The following FAM83A variants were observed in gnomAD, a reference collection of about 807,000 sequenced individuals.
The protein encoded by FAM83A is scaffolding CK1 anchoring protein A, also known as protein FAM83A.
Under a neutral mutation model 24.4 loss-of-function variants are expected in FAM83A, and 21 were observed. The ratio of observed to expected loss-of-function variants is 0.86; its 90% CI spans 0.61 to 1.24. The LOEUF (loss-of-function observed/expected upper bound fraction) is 1.24. Among genes scored for constraint, FAM83A ranks in the 50% most tolerant of loss-of-function variants. The pLI is 0.00. For missense variants in FAM83A, 617 were observed against 579.8 expected, an observed-to-expected ratio of 1.06 and a Z score of -0.66; for synonymous variants, 270 against 252.4, an observed-to-expected ratio of 1.07 and a Z score of -0.66.
chr8:123,204,488 C>T (rs184512796), intron 3 of FAM83A, among the ~76,000 whole-genome samples: 20 of 152,150 alleles, frequency 1.3e-4, no homozygotes, highest in South Asian at 4.1e-4. Context: ...ATTGGCCGGG[C>T]GCAGTGGCTC....
intron 2 of FAM83A, among the ~76,000 whole-genome samples, chr8:123,192,328 C>A (rs184353279): frequency 1.0e-3 from 157 of 152,278 alleles, no homozygotes; most frequent in African/African-American, 3.5e-3. Context: ...ATCTGGTGAG[C>A]AGCATCTCTG....
At chr8:123,190,369 C>T (rs1195339971) in intron 1 of FAM83A, among the ~76,000 whole-genome samples, 1 of 151,932 alleles carries the variant, frequency 6.6e-6, no homozygotes, top group African/African-American at 2.4e-5. Context: ...TCAAGCGATT[C>T]TCTTGCCTCA....
intron 3 of FAM83A, among the ~76,000 whole-genome samples, chr8:123,197,984 G>T (rs1185059573): frequency 6.6e-6 from 1 of 152,130 alleles, no homozygotes; most frequent in Non-Finnish European, 1.5e-5. Flanking sequence ...ACAAAAATTA[G>T]CTGGGCATGG....
chr8:123,198,131 AAAATAAAT>A (rs893727326), intron 3 of FAM83A, among the ~76,000 whole-genome samples: 15 of 152,216 alleles, frequency 9.9e-5, no homozygotes, highest in Middle Eastern at 3.4e-3. Context: ...ACTCTCCCTT[AAAATAAAT>A]AAATAAATAA....
chr8:123,187,643 T>C (rs938093161), intron 1 of FAM83A, among the ~76,000 whole-genome samples: 1 of 152,206 alleles, frequency 6.6e-6, no homozygotes, highest in Non-Finnish European at 1.5e-5. Flanking sequence ...GTTTCTAATA[T>C]GGCAAACACC....
chr8:123,207,307 C>T (rs771416766), exon 4 of FAM83A: 2 of 1,611,800 alleles, frequency 1.2e-6, no homozygotes, highest in South Asian at 1.1e-5. Flanking sequence ...TCGCCCCCGT[C>T]CCGCCCGGAG....
At chr8:123,187,771 G>A (rs1823853967) in intron 1 of FAM83A, among the ~76,000 whole-genome samples, 1 of 152,306 alleles carries the variant, frequency 6.6e-6, no homozygotes, top group South Asian at 2.1e-4. Flanking sequence ...GGCCAGTGGA[G>A]AAAGTGAAGT....
At chr8:123,183,415 A>AT in intron 1 of FAM83A, 79 bp downstream of exon 1, 12 of 1,533,724 alleles carry the variant, frequency 7.8e-6, no homozygotes, top group Non-Finnish European at 1.1e-5. Flanking sequence ...AGGGGGGTGC[A>AT]TTTTGCTCCC....
chr8:123,208,256 G>T (rs532001540), exon 4 of FAM83A: 3 of 985,544 alleles, frequency 3.0e-6, no homozygotes, highest in Admixed American at 6.1e-5. Flanking sequence ...ATGAATTAGG[G>T]GTGAGGCCCC....
At chr8:123,185,645 A>G (rs1476058357) in intron 1 of FAM83A, among the ~76,000 whole-genome samples, 3 of 152,246 alleles carry the variant, frequency 2.0e-5, no homozygotes, top group East Asian at 3.9e-4. Flanking sequence ...CCCCTTTGCC[A>G]CAGTCCCCAC....
At chr8:123,202,053 G>C (rs1824376213) in intron 3 of FAM83A, 1 of 152,378 alleles carries the variant, frequency 6.6e-6, no homozygotes, top group African/African-American at 2.4e-5. Flanking sequence ...ACATCATCCT[G>C]GCTTCTAATT....
At chr8:123,206,568 ACT>A (rs1420707692) in intron 3 of FAM83A, among the ~76,000 whole-genome samples, 1 of 152,162 alleles carries the variant, frequency 6.6e-6, no homozygotes, top group African/African-American at 2.4e-5. Context: ...CTAAGCGCAG[ACT>A]CTGGGGGCCT....
intron 3 of FAM83A, among the ~76,000 whole-genome samples, chr8:123,195,213 A>C (rs772356372): frequency 5.3e-5 from 8 of 152,174 alleles, no homozygotes; most frequent in Admixed American, 2.0e-4. Flanking sequence ...CTGCAAACAC[A>C]TAGTAGTGAC....
intron 3 of FAM83A, among the ~76,000 whole-genome samples, chr8:123,200,543 G>A (rs1481666695): frequency 1.3e-5 from 2 of 152,212 alleles, no homozygotes; most frequent in Non-Finnish European, 2.9e-5. Flanking sequence ...AGGGCCAGGT[G>A]TGGCGGCTCA....
intron 1 of FAM83A, among the ~76,000 whole-genome samples, chr8:123,184,125 GC>G (rs1823715698): frequency 1.3e-5 from 2 of 152,114 alleles, no homozygotes; most frequent in African/African-American, 4.8e-5. Flanking sequence ...CATACCAAGT[GC>G]CCTGTAGAGC....
chr8:123,186,883 G>A (rs1292708451), intron 1 of FAM83A, among the ~76,000 whole-genome samples: 2 of 152,158 alleles, frequency 1.3e-5, no homozygotes, highest in Non-Finnish European at 2.9e-5. Context: ...CCACACCCAG[G>A]ACGGCAGAGT....
intron 1 of FAM83A, among the ~76,000 whole-genome samples, chr8:123,187,040 C>T (rs770307411): frequency 6.6e-5 from 10 of 151,984 alleles, no homozygotes; most frequent in Non-Finnish European, 1.0e-4. Context: ...GCAGGCTTCA[C>T]GGAAGAGGTG....
At chr8:123,208,937 A>G (rs893088346) in exon 4 of FAM83A, 20 of 984,628 alleles carry the variant, frequency 2.0e-5, no homozygotes, top group Non-Finnish European at 2.4e-5. Flanking sequence ...GCACTCCAGC[A>G]TGGGCAACAA....
At chr8:123,187,902 CCAGGCTGGAGTGCAATGGCGCGATCT>C (rs1255889114) in intron 1 of FAM83A, among the ~76,000 whole-genome samples, 1 of 151,630 alleles carries the variant, frequency 6.6e-6, no homozygotes, top group Non-Finnish European at 1.5e-5. Flanking sequence ...GCTCTGTTGC[CCAGGCTGGAGTGCAATGGCGCGATCT>C]CAGCTCACTA....
Sources: allele counts gnomAD v4.1 joint callset (sites outside exome capture counted in the v4.1 genomes callset), GRCh38; gene constraint gnomAD v4.1.1; transcripts MANE v1.5; gene names NCBI Gene and HGNC (gene_info 2026-07-23, HGNC 2026-07-21).